The following CDC25B variants were observed in gnomAD, a reference collection of about 807,000 sequenced individuals.
CDC25B encodes M-phase inducer phosphatase 2.
CDC25B carries 33 observed loss-of-function variants against 69.8 expected under a neutral mutation model. That is an observed-to-expected ratio of 0.47 (90% CI 0.36 to 0.63). The LOEUF (loss-of-function observed/expected upper bound fraction) is 0.63. Among genes scored for constraint, CDC25B ranks in the 30% least tolerant of loss-of-function variants. The pLI, the probability that CDC25B is intolerant of heterozygous loss-of-function variation, is 0.00. For synonymous variants in CDC25B, 341 were observed against 314.6 expected (o/e 1.08, Z -0.89); for missense variants, 727 against 809.1 (o/e 0.90, Z 1.23).
chr20:3,804,988 C>T lies in CDC25B; in HGVS notation c.*27C>T. 1 of 1,602,632 alleles carries T rather than the reference C, an allele frequency of 6.2e-7. No individual in the cohort carries two copies. The highest frequency in any genetic ancestry group is 1.3e-5 in the African/African-American group (1 of 74,874). Reference sequence around the variant, plus strand: ...GGGCCTGCGCCAGTCCTGCTACCTCCCTTGCCTTTCGAGGCCTGAAGCCAG... The same window carrying T: ...GGGCCTGCGCCAGTCCTGCTACCTCTCTTGCCTTTCGAGGCCTGAAGCCAG... On this transcript the variant is annotated 3_prime_UTR_variant, in exon 16 of 16. Transcript: ENST00000245960.
At position 3,805,487 on chromosome 20, in the gene CDC25B, A is replaced by T; in HGVS notation, c.*526A>T. 3.2e-6 allele frequency: 1 copy of T among 316,464 alleles called. No homozygotes were observed. Among genetic ancestry groups the T allele is most frequent in the Non-Finnish European group, 5.8e-6 (1 of 173,746 alleles). 19.6% of individuals were successfully genotyped at this position (316,464 alleles called of 1,614,324 possible). A position where few individuals can be genotyped will look rare whatever the true frequency, so the allele number is the denominator to read the frequency against. ...TTTCTCTTTTCCCCTTTCCTGTCCC[A>T]CCATACGAGCACCTCCAGCCTGAAC... On this transcript the variant is annotated 3_prime_UTR_variant, in exon 16 of 16. Transcript: ENST00000245960.
rs1416251701 is a variant in CDC25B at position 3,805,793 on chromosome 20, A to ATGGATGGAAGGT, written c.*841_*852dup. 2 of 406,232 alleles carry ATGGATGGAAGGT rather than the reference A, an allele frequency of 4.9e-6. No homozygotes were observed. The highest frequency in any genetic ancestry group is 4.1e-5 in the African/African-American group (2 of 48,730). 25.2% of individuals were successfully genotyped at this position (406,232 alleles called of 1,614,324 possible). ...AGAACTTGCTGCTGTCTTGTTGCGG[A>ATGGATGGAAGGT]TGGATGGAAGGTTGGATGGATGGGT... is the stretch of plus-strand genomic sequence containing the variant. On this transcript the variant is annotated 3_prime_UTR_variant, in exon 16 of 16. Transcript: ENST00000245960.
intron 1 of CDC25B, among the ~76,000 whole-genome samples, chr20:3,789,665 C>T (rs1232567885): frequency 1.5e-5 from 2 of 131,080 alleles, no homozygotes; most frequent in Non-Finnish European, 3.2e-5. Flanking sequence ...GCCACCTCAC[C>T]CGGCCAAAAA....
At chr20:3,793,541 G>T (rs1681939892), upstream of CDC25B, among the ~76,000 whole-genome samples, 2 of 147,886 alleles carry the variant, frequency 1.4e-5, no homozygotes, top group Non-Finnish European at 3.0e-5. Context: ...CTGACTGTGG[G>T]ATTTCTGTTT....
At chr20:3,799,631 C>G (rs952424383) in intron 3 of CDC25B, among the ~76,000 whole-genome samples, 83 of 152,106 alleles carry the variant, frequency 5.5e-4, no homozygotes, top group African/African-American at 1.9e-3. Flanking sequence ...AATTCCTTGC[C>G]TGCTGGCCTC....
chr20:3,799,366 CT>C (rs2089179278), intron 3 of CDC25B, among the ~76,000 whole-genome samples: 1 of 152,212 alleles, frequency 6.6e-6, no homozygotes, highest in Non-Finnish European at 1.5e-5. Context: ...TTGGTCATCC[CT>C]GATGCCAGGT....
intron 3 of CDC25B, among the ~76,000 whole-genome samples, chr20:3,799,802 G>A (rs11569993): frequency 0.047 from 7,191 of 152,216 alleles, 240 homozygotes; most frequent in Non-Finnish European, 0.074. Flanking sequence ...TCAGAGGACC[G>A]GGAGCCAGGC....
chr20:3,800,607 C>T, intron 5 of CDC25B, 109 bp downstream of exon 5: 1 of 1,579,820 alleles, frequency 6.3e-7, no homozygotes, highest in Non-Finnish European at 8.7e-7. Context: ...CCCAGGCAGG[C>T]TGTAGGAGAT....
chr20:3,790,714 C>T (rs182169327), intron 1 of CDC25B, among the ~76,000 whole-genome samples: 15 of 152,126 alleles, frequency 9.9e-5, no homozygotes, highest in East Asian at 3.9e-4. Context: ...GGATTATAGG[C>T]GCCAACTACT....
chr20:3,805,735 C>G lies in CDC25B; in HGVS notation c.*774C>G, dbSNP rs1227372050. 1.5e-5 allele frequency: 6 copies of G among 403,688 alleles called. No individual in the cohort carries two copies. The Admixed American group carries it at 2.6e-4, about 18-fold the overall frequency. 25.0% of individuals were successfully genotyped at this position (403,688 alleles called of 1,614,324 possible). The stretch of plus-strand genomic sequence containing the variant: ...TCATGAGCCTGCTGGAAGCCCAGCC[C>G]CTACTGCTGTGAACCCTGGGGCCTG... On this transcript the variant is annotated 3_prime_UTR_variant, in exon 16 of 16. Transcript: ENST00000245960.
In CDC25B at chr20:3,800,860, G is replaced by A; in HGVS notation, c.577G>A (p.Glu193Lys). The A allele has an allele frequency of 1.2e-6, 2 of 1,613,896 alleles. No homozygotes were observed. Among genetic ancestry groups the A allele is most frequent in the Non-Finnish European group, 1.7e-6 (2 of 1,179,994 alleles). Residue 193 changes from glutamate (E) to lysine (K), a missense_variant, in exon 6 of 16, where the codon GAG (glutamate) becomes AAG (lysine). Glu to Lys is a moderately conservative substitution (Grantham distance 56). Around this residue, in one of 2 missense-constraint regions of CDC25B, gnomAD observed 368 missense variants for 345.6 expected, o/e 1.06. Coordinates refer to ENST00000245960, the MANE Select transcript of CDC25B (RefSeq NM_021873.4). ...GAASSSGEDK[E>K]NDGFVFKMPW... Reference sequence around the variant, plus strand: ...TGCCAGCAGCTCTGGGGAAGACAAGGAGAATGTGCGCTTCTGGAAGGCCGG... The same window carrying A: ...TGCCAGCAGCTCTGGGGAAGACAAGAAGAATGTGCGCTTCTGGAAGGCCGG...
Position 3,804,596 on chromosome 20 carries a change from T to C in CDC25B, c.1518T>C (p.Arg506=). The change falls in exon 15 of 16, where the codon CGT becomes CGC. Residue 506 remains arginine, a synonymous_variant. Transcript: ENST00000245960. ...GCCGTTTCATCAGGGAACGAGACCG[T>C]GCTGTCAACGACTACCCCAGCCTCT... ...RMCRFIRERD[R]AVNDYPSLYY... 1 of 1,613,994 alleles carries C rather than the reference T, an allele frequency of 6.2e-7. No homozygotes were observed. The highest frequency in any genetic ancestry group is 8.5e-7 in the Non-Finnish European group (1 of 1,179,888).
Position 3,804,670 on chromosome 20 carries a change from C to G in CDC25B, c.1592C>G (p.Pro531Arg). The G allele has an allele frequency of 1.2e-6, 2 of 1,612,892 alleles. No homozygotes were observed. The highest frequency in any genetic ancestry group is 1.3e-5 in the African/African-American group (1 of 74,948). Reference sequence around the variant, plus strand: ...AAAGGCGGCTACAAGGAGTTCTTCCCTCAGCACCCGGTAGCGTGGGTGGGG... The same window carrying G: ...AAAGGCGGCTACAAGGAGTTCTTCCGTCAGCACCCGGTAGCGTGGGTGGGG... Reference protein sequence around the residue: ...ILKGGYKEFFPQHPNFCEPQD... With the variant: ...ILKGGYKEFFRQHPNFCEPQD... Residue 531 changes from proline to arginine, a missense_variant, in exon 15 of 16, where the codon CCT (proline) becomes CGT (arginine). Pro to Arg is a moderately radical substitution (Grantham distance 103). Around this residue, in one of 2 missense-constraint regions of CDC25B, gnomAD observed 359 missense variants for 463.4 expected, o/e 0.77. Coordinates refer to ENST00000245960, the MANE Select transcript of CDC25B (RefSeq NM_021873.4).
At chr20:3,795,411 A>AC (rs1225510149), upstream of CDC25B, among the ~76,000 whole-genome samples, 1 of 152,214 alleles carries the variant, frequency 6.6e-6, no homozygotes, top group Non-Finnish European at 1.5e-5. Context: ...GCTCCGCTTA[A>AC]AACGAATGAC....
chr20:3,795,697 C>T (rs1261531758), upstream of CDC25B: 1 of 985,328 alleles, frequency 1.0e-6, no homozygotes, highest in East Asian at 1.1e-4. Context: ...CCCCACTGCC[C>T]TCCCACCTCC....
chr20:3,802,782 C>T (rs1421971921), intron 11 of CDC25B, 128 bp from the exon 12 acceptor site: 1 of 753,798 alleles, frequency 1.3e-6, no homozygotes, highest in African/African-American at 1.7e-5. Flanking sequence ...CCATGGGAAC[C>T]AGAACTGAAT....
At chr20:3,802,869 T>C (rs754093893) in intron 11 of CDC25B, 41 bp from the exon 12 acceptor site, 3 of 1,527,392 alleles carry the variant, frequency 2.0e-6, no homozygotes, top group Non-Finnish European at 9.1e-7. Flanking sequence ...CTTACCAATT[T>C]AACTTTCTCC....
upstream of CDC25B, among the ~76,000 whole-genome samples, chr20:3,794,243 C>T (rs2088969620): frequency 6.6e-6 from 1 of 151,020 alleles, no homozygotes; most frequent in African/African-American, 2.4e-5. Context: ...TATTTCTCCA[C>T]ATCCTCTCCA....
At chr20:3,797,458 G>A (rs2089099445) in intron 1 of CDC25B, among the ~76,000 whole-genome samples, 164 bp from the exon 2 acceptor site, 1 of 152,252 alleles carries the variant, frequency 6.6e-6, no homozygotes, top group Admixed American at 6.5e-5. Flanking sequence ...TCTGTAGAAT[G>A]AACCTTCCTT....
Sources: allele counts gnomAD v4.1 joint callset (sites outside exome capture counted in the v4.1 genomes callset), GRCh38; gene constraint gnomAD v4.1.1; regional missense constraint gnomAD v4.1.1; transcripts MANE v1.5; gene names NCBI Gene and HGNC (gene_info 2026-07-23, HGNC 2026-07-21).